The following NEK1 variants were observed in gnomAD, a reference collection of about 807,000 sequenced individuals.
NEK1 encodes the protein serine/threonine-protein kinase Nek1.
In NEK1, 137 loss-of-function variants were observed where a neutral mutation model predicts 182.1. The ratio of observed to expected loss-of-function variants is 0.75; its 90% CI spans 0.65 to 0.87. NEK1 has a LOEUF of 0.87. Ranked by LOEUF, NEK1 falls within the 40% of genes least tolerant of loss-of-function variation. The probability of loss-of-function intolerance (pLI) is 0.00; values close to 1 mark genes in which losing one functional copy is unlikely to be tolerated. For missense variants in NEK1, 1,391 were observed against 1,494.4 expected, an observed-to-expected ratio of 0.93 and a Z score of 1.14; for synonymous variants, 513 against 492.2, an observed-to-expected ratio of 1.04 and a Z score of -0.56.
intron 23 of NEK1, among the ~76,000 whole-genome samples, chr4:169,502,824 G>A (rs1256198236): frequency 6.6e-6 from 1 of 152,084 alleles, no homozygotes; most frequent in Non-Finnish European, 1.5e-5. Flanking sequence ...ACTAGAACAA[G>A]ACAAGGATTC....
At chr4:169,499,603 T>C (rs1012377200) in intron 23 of NEK1, among the ~76,000 whole-genome samples, 7 of 152,192 alleles carry the variant, frequency 4.6e-5, no homozygotes, top group African/African-American at 7.2e-5. Flanking sequence ...TTTCTGTTTG[T>C]TAGTTTTCCC....
chr4:169,602,156 T>C, intron 3 of NEK1, 52 bp from the exon 4 acceptor site: 1 of 1,289,690 alleles, frequency 7.8e-7, no homozygotes, highest in Non-Finnish European at 1.1e-6. Context: ...ATAAACAACC[T>C]AAAAGTCCAT....
intron 21 of NEK1, 23 bp from the exon 22 acceptor site, chr4:169,507,815 A>T: frequency 6.5e-7 from 1 of 1,542,930 alleles, no homozygotes; most frequent in African/African-American, 1.4e-5. Context: ...TAGATAAGCA[A>T]ATCACTTAGG....
Position 169,487,264 on chromosome 4 carries a change from C to T in NEK1, c.2008-7730G>A, listed in dbSNP as rs115839167. ...TTTGCTGCACAGATCAACTCATCAC[C>T]CAGGTATTAAGGCCAGCATCCGTTA... On this transcript the variant is annotated intron_variant, in intron 23 of 35. Coordinates refer to ENST00000507142, the MANE Select transcript of NEK1 (RefSeq NM_001199397.3). 6.2e-3 allele frequency among the ~76,000 whole-genome samples: 946 copies of T among 152,154 alleles called. 15 individuals carry two copies. Among genetic ancestry groups the T allele is most frequent in the African/African-American group, 0.022 (910 of 41,512 alleles).
At chr4:169,409,747 G>A (rs1026152402) in intron 31 of NEK1, among the ~76,000 whole-genome samples, 10 of 152,112 alleles carry the variant, frequency 6.6e-5, no homozygotes, top group Admixed American at 2.0e-4. Context: ...CAGCCTGGGC[G>A]ACAGAGCGAG....
At chr4:169,447,280 A>G (rs1740757498) in intron 27 of NEK1, among the ~76,000 whole-genome samples, 1 of 152,216 alleles carries the variant, frequency 6.6e-6, no homozygotes, top group Admixed American at 6.5e-5. Context: ...CTGAAGGAAA[A>G]AAACTTTTAT....
intron 32 of NEK1, among the ~76,000 whole-genome samples, chr4:169,404,972 CAT>C (rs1375333820): frequency 1.3e-5 from 2 of 152,206 alleles, no homozygotes; most frequent in South Asian, 2.1e-4. Flanking sequence ...TGCACTGACA[CAT>C]GTGCACACAC....
At chr4:169,604,295 A>G (rs980530215) in intron 2 of NEK1, among the ~76,000 whole-genome samples, 10 of 152,242 alleles carry the variant, frequency 6.6e-5, no homozygotes, top group Non-Finnish European at 1.3e-4. Context: ...AGTAATTTCA[A>G]AAGAGTGGTA....
Position 169,463,329 on chromosome 4 carries a change from CT to C in NEK1, c.2500del (p.Ser834ValfsTer7). On this transcript the variant is annotated frameshift_variant, in exon 27 of 36. Coordinates refer to ENST00000507142, the MANE Select transcript of NEK1 (RefSeq NM_001199397.3). LOFTEE classifies it high-confidence loss of function. Reference protein sequence around the residue: ...NGSPRRAWGKSPTDSVLKILG... With the variant: ...NGSPRRAWGKXPTDSVLKILG... ...TATCTTTAGAACAGAATCTGTCGGA[CT>C]TTTCCCCCAGGCTCTTCTTGGAGAT... 1 of 1,610,512 alleles carries C rather than the reference CT, an allele frequency of 6.2e-7. No homozygotes were observed. The highest frequency in any genetic ancestry group is 8.5e-7 in the Non-Finnish European group (1 of 1,177,874).
chr4:169,455,327 CA>C lies in NEK1; in HGVS notation c.2587+7915del, dbSNP rs536817817. Among the ~76,000 whole-genome samples, 942 of 135,046 alleles carry C rather than the reference CA, an allele frequency of 7.0e-3. 2 individuals are homozygous for C. Among genetic ancestry groups the C allele is most frequent in the African/African-American group, 0.019 (692 of 37,148 alleles). 88.6% of individuals were successfully genotyped at this position (135,046 alleles called of 152,430 possible). On this transcript the variant is annotated intron_variant, in intron 27 of 35. Transcript: ENST00000507142. ...TGTACCCTAGAACTTGAAGCATAAT[CA>C]AAAAAAAAAAAGAAGACTCAATGAA...
At chr4:169,505,612 C>A (rs1187070331) in intron 23 of NEK1, among the ~76,000 whole-genome samples, 1 of 152,178 alleles carries the variant, frequency 6.6e-6, no homozygotes, top group African/African-American at 2.4e-5. Flanking sequence ...GCCAATGCCC[C>A]AACCCCCATG....
intron 31 of NEK1, among the ~76,000 whole-genome samples, chr4:169,424,154 A>G (rs1579489040): frequency 6.6e-6 from 1 of 152,346 alleles, no homozygotes; most frequent in South Asian, 2.1e-4. Context: ...CTTCTACCAG[A>G]AAGTGCATAT....
At chr4:169,570,685 G>A (rs371980213) in intron 12 of NEK1, among the ~76,000 whole-genome samples, 1 of 152,190 alleles carries the variant, frequency 6.6e-6, no homozygotes, top group Non-Finnish European at 1.5e-5. Context: ...TGTGCCCAGC[G>A]GCTCATTGAG....
intron 27 of NEK1, among the ~76,000 whole-genome samples, chr4:169,453,809 C>G (rs1393713881): frequency 1.3e-5 from 2 of 152,192 alleles, no homozygotes; most frequent in Non-Finnish European, 2.9e-5. Flanking sequence ...CTGTTCGGGG[C>G]TCTCAGCTCT....
chr4:169,498,470 T>G (rs1227641306), intron 23 of NEK1, among the ~76,000 whole-genome samples: 1 of 152,200 alleles, frequency 6.6e-6, no homozygotes, highest in Non-Finnish European at 1.5e-5. Context: ...GTTATTTTGC[T>G]CATTAGTTGA....
intron 23 of NEK1, among the ~76,000 whole-genome samples, chr4:169,498,579 A>G (rs1327419089): frequency 6.6e-6 from 1 of 151,962 alleles, no homozygotes; most frequent in East Asian, 1.9e-4. Flanking sequence ...TTCCTTCTGG[A>G]GCTCTTTTAG....
Position 169,400,677 on chromosome 4 carries a change from T to C in NEK1, c.3584-26A>G, listed in dbSNP as rs532655664. The C allele has an allele frequency of 5.3e-6, 8 of 1,523,002 alleles. No homozygotes were observed. In the Admixed American group the frequency reaches 1.0e-4, roughly 20 times the overall value. The allele number at this position is 1,523,002 out of a possible 1,614,324, so 94.3% of individuals were successfully genotyped here. A position where few individuals can be genotyped will look rare whatever the true frequency, so the allele number is the denominator to read the frequency against. Reference sequence around the variant, plus strand: ...CTAAAAAACAAAATTAAAATAGAGATTTGATTTAAAAAGACTGAATAACTC... The same window carrying C: ...CTAAAAAACAAAATTAAAATAGAGACTTGATTTAAAAAGACTGAATAACTC... On this transcript the variant is annotated intron_variant, in intron 33 of 35. Coordinates refer to ENST00000507142, the MANE Select transcript of NEK1 (RefSeq NM_001199397.3).
At chr4:169,551,694 T>C (rs969614772) in intron 18 of NEK1, among the ~76,000 whole-genome samples, 3 of 152,190 alleles carry the variant, frequency 2.0e-5, no homozygotes, top group Non-Finnish European at 2.9e-5. Context: ...ACCACCACTA[T>C]AGGGATTTGG....
chr4:169,513,262 C>G (rs896127696), intron 19 of NEK1, among the ~76,000 whole-genome samples: 2 of 152,096 alleles, frequency 1.3e-5, no homozygotes, highest in Admixed American at 1.3e-4. Flanking sequence ...AGATTTTTTT[C>G]ACCAGCATTT....
Sources: gnomAD v4.1 joint callset for allele counts (sites outside exome capture counted in the v4.1 genomes callset) on GRCh38, gnomAD v4.1.1 for gene constraint, MANE v1.5 for transcripts, NCBI Gene and HGNC (gene_info 2026-07-23, HGNC 2026-07-21) for gene names.